The following KYNU variants were observed in gnomAD, a reference collection of about 807,000 sequenced individuals.
KYNU encodes the protein L-kynurenine hydrolase.
In KYNU, 54 loss-of-function variants were observed where a neutral mutation model predicts 59.2. That is an observed-to-expected ratio of 0.91 (90% CI 0.73 to 1.14). The LOEUF is 1.14. Among genes scored for constraint, KYNU ranks in the 50% most tolerant of loss-of-function variants. The pLI, the probability that KYNU is intolerant of heterozygous loss-of-function variation, is 0.00. For missense variants in KYNU, 567 were observed against 554.4 expected (o/e 1.02, Z -0.23); for synonymous variants, 177 against 192.0 (o/e 0.92, Z 0.65).
chr2:142,954,760 A>G (rs776580191), intron 4 of KYNU, 50 bp from the exon 5 acceptor site: 6 of 1,232,220 alleles, frequency 4.9e-6, no homozygotes, highest in Non-Finnish European at 7.2e-6. Flanking sequence ...TTTTTTCAGT[A>G]TCTTTAGACA....
intron 2 of KYNU, among the ~76,000 whole-genome samples, chr2:142,911,066 G>A (rs946935581): frequency 2.0e-5 from 3 of 152,058 alleles, no homozygotes; most frequent in South Asian, 2.1e-4. Context: ...GGTCACATAC[G>A]AATTTTAGAA....
At chr2:143,035,549 T>C (rs1334280473) in intron 12 of KYNU, among the ~76,000 whole-genome samples, 1 of 152,244 alleles carries the variant, frequency 6.6e-6, no homozygotes, top group Non-Finnish European at 1.5e-5. Flanking sequence ...TAAACATCAG[T>C]GAATTAACTA....
chr2:142,905,146 C>A (rs1000332902), intron 2 of KYNU, among the ~76,000 whole-genome samples: 8 of 152,124 alleles, frequency 5.3e-5, no homozygotes, highest in Non-Finnish European at 1.0e-4. Context: ...TAGGAATATG[C>A]CCTAAATATT....
chr2:142,924,455 TTATAA>T (rs1326344872), intron 3 of KYNU, among the ~76,000 whole-genome samples: 1 of 152,030 alleles, frequency 6.6e-6, no homozygotes, highest in Non-Finnish European at 1.5e-5. Context: ...GGAAAAAAAA[TTATAA>T]TGTAATGAAG....
chr2:142,900,600 T>C (rs1413031098), intron 2 of KYNU, among the ~76,000 whole-genome samples: 1 of 152,198 alleles, frequency 6.6e-6, no homozygotes, highest in African/African-American at 2.4e-5. Context: ...GCAAGCCCCA[T>C]GTTTAAAGAT....
chr2:142,989,040 A>G (rs1486775619), intron 10 of KYNU: 1 of 666,952 alleles, frequency 1.5e-6, no homozygotes, highest in Non-Finnish European at 2.6e-6. Flanking sequence ...AGAGTGATAA[A>G]CAAAGAAAAG....
intron 10 of KYNU, among the ~76,000 whole-genome samples, chr2:143,004,556 C>G (rs553241530): frequency 6.6e-5 from 10 of 152,214 alleles, no homozygotes; most frequent in African/African-American, 2.4e-4. Context: ...ACTAAAAATA[C>G]AAGAATTAGC....
chr2:142,905,683 C>A (rs1158065562), intron 2 of KYNU, among the ~76,000 whole-genome samples: 1 of 152,192 alleles, frequency 6.6e-6, no homozygotes, highest in Non-Finnish European at 1.5e-5. Context: ...ATAAGGTTTC[C>A]TCTAAAGGTT....
At chr2:142,964,601 G>T (rs1684470470) in intron 8 of KYNU, 1 of 152,096 alleles carries the variant, frequency 6.6e-6, no homozygotes, top group Non-Finnish European at 1.5e-5. Flanking sequence ...TTGTTCAAGT[G>T]TCTTGCCCAT....
chr2:143,006,590 A>C (rs928340134), intron 10 of KYNU, among the ~76,000 whole-genome samples: 9 of 131,224 alleles, frequency 6.9e-5, no homozygotes, highest in South Asian at 6.1e-4. Flanking sequence ...TGTAGGCTCC[A>C]CCTCTGGGGG....
At chr2:142,918,309 C>T (rs1573788465) in intron 2 of KYNU, among the ~76,000 whole-genome samples, 1 of 152,198 alleles carries the variant, frequency 6.6e-6, no homozygotes. Flanking sequence ...TTGTTTTTAA[C>T]TCTTTTCTAA....
chr2:142,901,341 C>T (rs115998552), intron 2 of KYNU, among the ~76,000 whole-genome samples: 1 of 152,030 alleles, frequency 6.6e-6, no homozygotes, highest in Non-Finnish European at 1.5e-5. Flanking sequence ...TGAGGTTCCC[C>T]GTTCTATTTC....
intron 8 of KYNU, among the ~76,000 whole-genome samples, chr2:142,975,117 C>G (rs78667742): frequency 0.11 from 17,250 of 152,070 alleles, 1,078 homozygotes; most frequent in East Asian, 0.21. Flanking sequence ...GTTTTCCTGC[C>G]TAAATGTTGT....
intron 3 of KYNU, among the ~76,000 whole-genome samples, chr2:142,921,438 T>A (rs1175735939): frequency 6.6e-6 from 1 of 152,170 alleles, no homozygotes; most frequent in African/African-American, 2.4e-5. Context: ...AGACCAGGCA[T>A]AGTGGCTCAT....
chr2:142,967,310 TC>T (rs1684578829), intron 8 of KYNU: 1 of 152,170 alleles, frequency 6.6e-6, no homozygotes, highest in African/African-American at 2.4e-5. Context: ...TTGTTTTTTT[TC>T]AGCTTACTAA....
At chr2:142,904,515 G>A (rs1415011843) in intron 2 of KYNU, among the ~76,000 whole-genome samples, 8 of 152,164 alleles carry the variant, frequency 5.3e-5, no homozygotes, top group Admixed American at 4.6e-4. Flanking sequence ...TGATCTAGCA[G>A]TAACATTATA....
intron 4 of KYNU, among the ~76,000 whole-genome samples, chr2:142,931,150 T>A (rs1426020183): frequency 6.6e-6 from 1 of 152,232 alleles, no homozygotes; most frequent in Non-Finnish European, 1.5e-5. Context: ...CGCACGCCGC[T>A]GACGTAAGTA....
rs913451041 is a variant in KYNU, at chr2:143,041,943, T to C, written c.1273-104T>C. On this transcript the variant is annotated intron_variant, in intron 13 of 13. Coordinates refer to ENST00000264170, the MANE Select transcript of KYNU (RefSeq NM_003937.3). ...AAAATTTTGCATATATATTAATTTTTAGGGAAATCATTATGAAAGTGCTTT... is the reference window on the plus strand; with the variant it reads ...AAAATTTTGCATATATATTAATTTTCAGGGAAATCATTATGAAAGTGCTTT... The C allele has an allele frequency of 1.3e-5, 16 of 1,216,966 alleles. No individual in the cohort carries two copies. In the African/African-American group the frequency reaches 2.0e-4, roughly 15 times the overall value. 75.4% of individuals were successfully genotyped at this position (1,216,966 alleles called of 1,614,324 possible).
intron 3 of KYNU, among the ~76,000 whole-genome samples, chr2:142,926,746 C>G (rs932682770): frequency 6.6e-6 from 1 of 152,306 alleles, no homozygotes; most frequent in African/African-American, 2.4e-5. Context: ...CTGTCAGAAG[C>G]TTGCCCTAAC....
Sources: allele counts gnomAD v4.1 joint callset (sites outside exome capture counted in the v4.1 genomes callset), GRCh38; gene constraint gnomAD v4.1.1; transcripts MANE v1.5; gene names NCBI Gene and HGNC (gene_info 2026-07-23, HGNC 2026-07-21).